Variants in NRXN1 observed in about 807,000 individuals in gnomAD.
NRXN1 encodes the protein neurexin-1.
In NRXN1, 39 loss-of-function variants were observed where a neutral mutation model predicts 150.9. The ratio of observed to expected loss-of-function variants is 0.26; its 90% CI spans 0.20 to 0.34. The LOEUF (loss-of-function observed/expected upper bound fraction) is 0.34, where lower values mean the gene tolerates loss of function less well. NRXN1 is among the 10% of genes least tolerant of loss of function. NRXN1 has a pLI of 1.00. For synonymous variants in NRXN1, 924 were observed against 757.0 expected (o/e 1.22, Z -3.62); for missense variants, 1,815 against 1,949.9 (o/e 0.93, Z 1.30).
chr2:50,051,365 T>C (rs1692680645), intron 21 of NRXN1, among the ~76,000 whole-genome samples: 1 of 152,080 alleles, frequency 6.6e-6, no homozygotes, highest in Non-Finnish European at 1.5e-5. Context: ...GTAATCTCAT[T>C]AATGATAAAA....
At chr2:51,016,048 G>C (rs1668617288) in intron 2 of NRXN1, among the ~76,000 whole-genome samples, 1 of 152,064 alleles carries the variant, frequency 6.6e-6, no homozygotes, top group African/African-American at 2.4e-5. Flanking sequence ...GAACAGAACA[G>C]AGACCTCAGA....
chr2:50,600,278 A>C (rs2103933253), intron 8 of NRXN1, among the ~76,000 whole-genome samples: 1 of 151,714 alleles, frequency 6.6e-6, no homozygotes, highest in East Asian at 1.9e-4. Context: ...AAAATAAACA[A>C]AAAAAAATAG....
In NRXN1 at chr2:49,921,231, AT is replaced by A. The variant is rs1261890614; in HGVS notation, c.*712del. The A allele has an allele frequency of 6.6e-6, 1 of 152,586 alleles. No individual in the cohort carries two copies. The highest frequency in any genetic ancestry group is 1.9e-4 in the East Asian group (1 of 5,188). 9.5% of individuals were successfully genotyped at this position (152,586 alleles called of 1,614,324 possible). ...AATAACATAATAAGCGTGCATGAAA[AT>A]TTCCCAATGATTGCATCTATGCCCT... On this transcript the variant is annotated 3_prime_UTR_variant, in exon 23 of 23. Transcript: ENST00000401669.
At chr2:50,573,703 G>A (rs1006400107) in intron 8 of NRXN1, among the ~76,000 whole-genome samples, 2 of 151,248 alleles carry the variant, frequency 1.3e-5, no homozygotes, top group East Asian at 2.0e-4. Flanking sequence ...GAAAATCTGC[G>A]CTTATAGATT....
chr2:50,119,093 G>T (rs1013714341), intron 18 of NRXN1, among the ~76,000 whole-genome samples: 11 of 151,460 alleles, frequency 7.3e-5, no homozygotes, highest in Admixed American at 6.6e-4. Flanking sequence ...CTGCTCACTT[G>T]ATCCAAGTTA....
intron 16 of NRXN1, among the ~76,000 whole-genome samples, chr2:50,467,313 G>A (rs1262902816): frequency 6.6e-6 from 1 of 151,556 alleles, no homozygotes; most frequent in African/African-American, 2.4e-5. Flanking sequence ...AGGGAATACA[G>A]TCTACCTAAA....
intron 5 of NRXN1, among the ~76,000 whole-genome samples, chr2:50,782,809 G>A (rs1268219053): frequency 1.3e-5 from 2 of 152,138 alleles, no homozygotes; most frequent in Non-Finnish European, 2.9e-5. Context: ...CAGAGATTCT[G>A]AAGTAGATGG....
At chr2:50,834,549 T>A (rs1368098745) in intron 5 of NRXN1, among the ~76,000 whole-genome samples, 2 of 152,198 alleles carry the variant, frequency 1.3e-5, no homozygotes, top group African/African-American at 4.8e-5. Flanking sequence ...TGTATCATAA[T>A]GATTTTGAAT....
At chr2:50,537,812 C>T (rs2093298742) in intron 10 of NRXN1, among the ~76,000 whole-genome samples, 1 of 152,182 alleles carries the variant, frequency 6.6e-6, no homozygotes, top group Non-Finnish European at 1.5e-5. Context: ...TTAAGTCTCA[C>T]CCAGTTGTGT....
chr2:50,774,181 G>A (rs1703330890), intron 5 of NRXN1, among the ~76,000 whole-genome samples: 1 of 152,000 alleles, frequency 6.6e-6, no homozygotes, highest in South Asian at 2.1e-4. Context: ...TTGTCTTACA[G>A]AAAAATACTC....
At chr2:50,791,637 A>T (rs1006066266) in intron 5 of NRXN1, among the ~76,000 whole-genome samples, 2 of 152,170 alleles carry the variant, frequency 1.3e-5, no homozygotes, top group African/African-American at 2.4e-5. Flanking sequence ...TTGAATTCTT[A>T]TCTATTCAGA....
chr2:50,608,801 G>A (rs1030765806), intron 8 of NRXN1, among the ~76,000 whole-genome samples: 8 of 151,970 alleles, frequency 5.3e-5, no homozygotes, highest in Non-Finnish European at 8.8e-5. Context: ...ACACAGGCAG[G>A]GAAGACTAAT....
intron 8 of NRXN1, among the ~76,000 whole-genome samples, chr2:50,576,992 C>G (rs971076939): frequency 1.3e-5 from 2 of 152,108 alleles, no homozygotes; most frequent in Non-Finnish European, 2.9e-5. Context: ...AGCTCCTGGT[C>G]ATCAGCAGCC....
rs879881327 is a variant in NRXN1, at chr2:50,621,304, C to T, written c.1135-55G>A. 105 of 1,376,276 alleles carry T rather than the reference C, an allele frequency of 7.6e-5. 1 individual carries two copies. The Middle Eastern group carries it at 8.9e-4, about 12-fold the overall frequency. 85.3% of individuals were successfully genotyped at this position (1,376,276 alleles called of 1,614,324 possible). ...TAAAAACTGTGAACAGAATAACGAT[C>T]GTTACTTAAAAAATATGATGGTCTC... On this transcript the variant is annotated intron_variant, in intron 6 of 22. Coordinates refer to ENST00000401669, the MANE Select transcript of NRXN1 (RefSeq NM_001330078.2).
chr2:50,425,850 T>C (rs2084434268), intron 17 of NRXN1, among the ~76,000 whole-genome samples: 1 of 152,120 alleles, frequency 6.6e-6, no homozygotes, highest in African/African-American at 2.4e-5. Context: ...TTCAAGAAGC[T>C]TCATTCTTTC....
intron 17 of NRXN1, among the ~76,000 whole-genome samples, chr2:50,278,201 A>G: frequency 8.4e-6 from 1 of 118,552 alleles, no homozygotes; most frequent in Admixed American, 9.9e-5. Context: ...CTGGGATCAC[A>G]GACACCACCC....
At chr2:50,463,912 T>C (rs951570537) in intron 17 of NRXN1, 3 of 151,508 alleles carry the variant, frequency 2.0e-5, no homozygotes, top group African/African-American at 7.3e-5. Flanking sequence ...GGATGAAAAA[T>C]TTGCGATAAT....
intron 18 of NRXN1, among the ~76,000 whole-genome samples, chr2:50,204,084 A>T (rs2062388537): frequency 6.6e-6 from 1 of 152,156 alleles, no homozygotes; most frequent in Non-Finnish European, 1.5e-5. Flanking sequence ...TAAACCCACC[A>T]TGGAATAGTA....
intron 21 of NRXN1, among the ~76,000 whole-genome samples, chr2:49,968,637 A>G (rs1036498081): frequency 6.6e-6 from 1 of 152,028 alleles, no homozygotes; most frequent in Non-Finnish European, 1.5e-5. Flanking sequence ...TTATTTCGTG[A>G]CTGGATAACT....
Sources: gnomAD v4.1 joint callset for allele counts (sites outside exome capture counted in the v4.1 genomes callset) on GRCh38, gnomAD v4.1.1 for gene constraint, MANE v1.5 for transcripts, NCBI Gene and HGNC (gene_info 2026-07-23, HGNC 2026-07-21) for gene names.